QSOX1: variants seen among roughly 807,000 people sequenced by gnomAD.
The protein encoded by QSOX1 is quiescin sulfhydryl oxidase 1.
In QSOX1, 40 loss-of-function variants were observed where a neutral mutation model predicts 76.1. The observed-to-expected ratio is 0.53, with a 90% CI of 0.41 to 0.68. The LOEUF (loss-of-function observed/expected upper bound fraction) is 0.68. Among genes scored for constraint, QSOX1 ranks in the 30% least tolerant of loss-of-function variants. QSOX1 has a pLI of 0.00. For missense variants in QSOX1, 931 were observed against 974.3 expected, an observed-to-expected ratio of 0.96 and a Z score of 0.59; for synonymous variants, 392 against 413.1, an observed-to-expected ratio of 0.95 and a Z score of 0.62.
chr1:180,175,867 C>A, intron 3 of QSOX1, 64 bp from the exon 4 acceptor site: 2 of 1,302,460 alleles, frequency 1.5e-6, no homozygotes, highest in Non-Finnish European at 2.2e-6. Flanking sequence ...GTGAAGGTGG[C>A]CAGTGTGCTG....
In QSOX1 at chr1:180,184,025, C is replaced by T; in HGVS notation, c.862C>T (p.Pro288Ser). 1 of 1,614,210 alleles carries T rather than the reference C, an allele frequency of 6.2e-7. No individual in the cohort carries two copies. Among genetic ancestry groups the T allele is most frequent in the Non-Finnish European group, 8.5e-7 (1 of 1,180,038 alleles). ...VAPTTANKIA[P>S]TVWKLADRSK... ...ACCAACCACTGCTAACAAGATAGCT[C>T]CCACTGTTTGGAAATTGGCAGATCG... Residue 288 changes from proline (P) to serine (S), a missense_variant, in exon 7 of 12, where the codon CCC (proline) becomes TCC (serine). Pro to Ser is a moderately conservative substitution (Grantham distance 74). Transcript: ENST00000367602.
intron 6 of QSOX1, among the ~76,000 whole-genome samples, chr1:180,183,156 G>A (rs1453858464): frequency 6.6e-6 from 1 of 152,114 alleles, no homozygotes; most frequent in Non-Finnish European, 1.5e-5. Flanking sequence ...TGTTTGTGAC[G>A]ATGCTGCCTC....
intron 3 of QSOX1, 32 bp downstream of exon 3, chr1:180,175,398 A>G: frequency 6.2e-7 from 1 of 1,607,076 alleles, no homozygotes. Flanking sequence ...TCCTGTTAGC[A>G]TCTTCCTCCC....
chr1:180,166,474 G>T lies in QSOX1; in HGVS notation c.266-17G>T, dbSNP rs922096354. The T allele has an allele frequency of 1.9e-6, 3 of 1,611,498 alleles. No individual in the cohort carries two copies. Among genetic ancestry groups the T allele is most frequent in the Non-Finnish European group, 2.5e-6 (3 of 1,178,118 alleles). ...ACCAGCCCCTCTTATTTACCCCTGG[G>T]TTTTTTGTCCTTTCAGCCTGGAGGC... On this transcript the variant is annotated splice_polypyrimidine_tract_variant and intron_variant, in intron 1 of 11. Transcript: ENST00000367602.
Position 180,197,024 on chromosome 1 carries a change from A to G in QSOX1, c.2231A>G (p.His744Arg). The change falls in exon 12 of 12, where the codon CAC (histidine) becomes CGC (arginine). Residue 744 changes from histidine to arginine, a missense_variant. His to Arg is a conservative substitution (Grantham distance 29). Transcript: ENST00000367602. ...KIRALKGHAG[H>R]PAA ...AGGGCCCTGAAGGGCCATGCTGGCC[A>G]CCCTGCAGCCTGAACCACCTGGGGA... The G allele has an allele frequency of 6.2e-7, 1 of 1,609,866 alleles. No individual in the cohort carries two copies. Among genetic ancestry groups the G allele is most frequent in the Non-Finnish European group, 8.5e-7 (1 of 1,178,092 alleles).
At chr1:180,188,796 G>A (rs540040419) in intron 8 of QSOX1, among the ~76,000 whole-genome samples, 9 of 152,354 alleles carry the variant, frequency 5.9e-5, no homozygotes, top group African/African-American at 1.9e-4. Flanking sequence ...CCTCTTTGTG[G>A]TTTTATCTGA....
chr1:180,168,894 G>C (rs1662699332), intron 2 of QSOX1, among the ~76,000 whole-genome samples: 2 of 152,216 alleles, frequency 1.3e-5, no homozygotes, highest in Non-Finnish European at 2.9e-5. Flanking sequence ...GCTGGAGCCT[G>C]TCCTTGCACT....
rs1470727656 is a variant in QSOX1 at position 180,203,129 on chromosome 1, G to A, written c.*6092G>A. 6.6e-6 allele frequency: 1 copy of A among 151,844 alleles called. No individual in the cohort carries two copies. The highest frequency in any genetic ancestry group is 1.5e-5 in the Non-Finnish European group (1 of 67,932). 9.4% of individuals were successfully genotyped at this position (151,844 alleles called of 1,614,324 possible). ...GTAAAGCTACATATTTAAAAGCTGG[G>A]GAAATATATGCTGTAAATATGACAA... On this transcript the variant is annotated 3_prime_UTR_variant, in exon 12 of 12. Transcript: ENST00000367602.
rs753149265 is a variant in QSOX1 at position 180,190,908 on chromosome 1, G to C, written c.1288+328G>C. Reference sequence around the variant, plus strand: ...TGCTTTCAGTCTTCATGAAAAAATTGTGATTCTATTTTTTTATACTCTTAA... The same window carrying C: ...TGCTTTCAGTCTTCATGAAAAAATTCTGATTCTATTTTTTTATACTCTTAA... On this transcript the variant is annotated intron_variant, in intron 10 of 11. Transcript: ENST00000367602. 2.7e-4 allele frequency among the ~76,000 whole-genome samples: 41 copies of C among 152,264 alleles called. 1 individual carries two copies. The highest frequency in any genetic ancestry group is 3.4e-3 in the Middle Eastern group (1 of 294).
At position 180,199,514 on chromosome 1, in the gene QSOX1, TAAG is replaced by T. The variant is rs375245870; in HGVS notation, c.*2478_*2480del. On this transcript the variant is annotated 3_prime_UTR_variant, in exon 12 of 12. Coordinates refer to ENST00000367602, the MANE Select transcript of QSOX1 (RefSeq NM_002826.5). ...AGACGAGTAGGTGTTAGCAAGGAAATAAGGAGGAACGGGGGTTACGGGCAGAGG... is the reference window on the plus strand; with the variant it reads ...AGACGAGTAGGTGTTAGCAAGGAAATGAGGAACGGGGGTTACGGGCAGAGG... The T allele has an allele frequency of 1.3e-5, 2 of 151,946 alleles. No homozygotes were observed. The highest frequency in any genetic ancestry group is 4.8e-5 in the African/African-American group (2 of 41,398). The allele number at this position is 151,946 out of a possible 1,614,324, so 9.4% of individuals were successfully genotyped here.
intron 2 of QSOX1, among the ~76,000 whole-genome samples, chr1:180,167,745 C>A (rs1166469505): frequency 6.6e-6 from 1 of 152,236 alleles, no homozygotes; most frequent in African/African-American, 2.4e-5. Context: ...GAACCAACAG[C>A]TACTGCCGTG....
chr1:180,191,965 C>T (rs561436611), intron 10 of QSOX1, among the ~76,000 whole-genome samples: 11 of 152,144 alleles, frequency 7.2e-5, no homozygotes, highest in East Asian at 5.8e-4. Context: ...CTTGTGTCTC[C>T]GTGCAGTTGT....
At chr1:180,159,283 C>G (rs974777444) in intron 1 of QSOX1, among the ~76,000 whole-genome samples, 1 of 152,254 alleles carries the variant, frequency 6.6e-6, no homozygotes, top group African/African-American at 2.4e-5. Flanking sequence ...ACTGATACTA[C>G]TGATCATTTT....
intron 6 of QSOX1, 81 bp from the exon 7 acceptor site, chr1:180,183,832 CCTT>C: frequency 7.1e-7 from 1 of 1,416,630 alleles, no homozygotes; most frequent in East Asian, 2.3e-5. Flanking sequence ...GATGAGCCAC[CCTT>C]CTTCCTCTTC....
intron 11 of QSOX1, among the ~76,000 whole-genome samples, chr1:180,195,139 C>T (rs1177390102): frequency 1.3e-5 from 2 of 152,136 alleles, no homozygotes; most frequent in African/African-American, 4.8e-5. Flanking sequence ...TCTCCTTCCC[C>T]CACCCCGCCC....
intron 2 of QSOX1, among the ~76,000 whole-genome samples, chr1:180,173,002 C>T (rs1424607764): frequency 6.6e-6 from 1 of 152,224 alleles, no homozygotes; most frequent in African/African-American, 2.4e-5. Context: ...GTGTTGTTCT[C>T]ATATATGTAG....
intron 1 of QSOX1, among the ~76,000 whole-genome samples, chr1:180,156,692 C>T (rs1036272586): frequency 6.6e-6 from 1 of 152,182 alleles, no homozygotes; most frequent in Non-Finnish European, 1.5e-5. Context: ...ATTAGCTGAA[C>T]GTGCCTTTCT....
intron 2 of QSOX1, among the ~76,000 whole-genome samples, chr1:180,168,289 G>A (rs1055335010): frequency 3.3e-5 from 5 of 152,200 alleles, no homozygotes; most frequent in Admixed American, 3.3e-4. Context: ...GAGGGCCCTC[G>A]CTGGGCTCCT....
intron 1 of QSOX1, among the ~76,000 whole-genome samples, chr1:180,161,109 C>A (rs568171282): frequency 6.6e-5 from 10 of 151,874 alleles, no homozygotes; most frequent in African/African-American, 2.4e-4. Context: ...CACAGTGAGC[C>A]GAGATTGCAC....
Sources: allele counts gnomAD v4.1 joint callset (sites outside exome capture counted in the v4.1 genomes callset), GRCh38; gene constraint gnomAD v4.1.1; transcripts MANE v1.5; gene names NCBI Gene and HGNC (gene_info 2026-07-23, HGNC 2026-07-21).